MTMR3: variants seen among roughly 807,000 people sequenced by gnomAD.
The protein encoded by MTMR3 is myotubularin related protein 3, also known as phosphatidylinositol-3,5-bisphosphate 3-phosphatase MTMR3.
In MTMR3, 32 loss-of-function variants were observed where a neutral mutation model predicts 132.4. The observed-to-expected ratio is 0.24, with a 90% CI of 0.18 to 0.32. MTMR3 has a LOEUF of 0.32. MTMR3 is among the 10% of genes least tolerant of loss of function. The pLI, the probability that MTMR3 is intolerant of heterozygous loss-of-function variation, is 1.00. For synonymous variants in MTMR3, 556 were observed against 550.3 expected (o/e 1.01, Z -0.14); for missense variants, 1,216 against 1,489.6 (o/e 0.82, Z 3.02).
At chr22:29,988,420 G>C in intron 5 of MTMR3, 60 bp from the exon 6 acceptor site, 1 of 1,289,530 alleles carries the variant, frequency 7.8e-7, no homozygotes, top group Non-Finnish European at 1.1e-6. Flanking sequence ...TGGACACATT[G>C]AAGAACTCCA....
At chr22:29,960,470 G>A (rs2066288708) in intron 2 of MTMR3, among the ~76,000 whole-genome samples, 1 of 152,058 alleles carries the variant, frequency 6.6e-6, no homozygotes, top group Non-Finnish European at 1.5e-5. Context: ...GTGCATATGC[G>A]CGAACAAAAA....
intron 3 of MTMR3, among the ~76,000 whole-genome samples, chr22:29,976,331 G>A (rs2066629089): frequency 6.6e-6 from 1 of 151,784 alleles, no homozygotes; most frequent in Non-Finnish European, 1.5e-5. Flanking sequence ...AAAAAGACCT[G>A]CCAAATGTCC....
intron 5 of MTMR3, 46 bp downstream of exon 5, chr22:29,979,098 T>A: frequency 7.5e-7 from 1 of 1,331,106 alleles, no homozygotes; most frequent in Non-Finnish European, 1.1e-6. Flanking sequence ...ATGGAGAAAG[T>A]AAGTCAAAAA....
chr22:29,989,589 T>A (rs1393302558), intron 6 of MTMR3: 1 of 152,198 alleles, frequency 6.6e-6, no homozygotes, highest in East Asian at 1.9e-4. Context: ...CAGAATACAA[T>A]CTTTTGTTTT....
At chr22:29,932,958 T>C (rs1286521499) in intron 1 of MTMR3, among the ~76,000 whole-genome samples, 1 of 152,128 alleles carries the variant, frequency 6.6e-6, no homozygotes, top group Non-Finnish European at 1.5e-5. Flanking sequence ...TTTATTTCTT[T>C]TTATAAAATT....
intron 17 of MTMR3, chr22:30,021,150 A>C: frequency 2.0e-6 from 1 of 491,074 alleles, no homozygotes; most frequent in Non-Finnish European, 3.7e-6. Flanking sequence ...GGTTGATCAG[A>C]TCTCTCAGAC....
chr22:29,953,279 G>A (rs1221121267), intron 1 of MTMR3, among the ~76,000 whole-genome samples: 1 of 152,186 alleles, frequency 6.6e-6, no homozygotes, highest in Admixed American at 6.5e-5. Context: ...CATTTTAGGA[G>A]GCCTGGCCAG....
At chr22:29,966,338 T>C (rs934065253) in intron 2 of MTMR3, among the ~76,000 whole-genome samples, 1 of 152,208 alleles carries the variant, frequency 6.6e-6, no homozygotes, top group Non-Finnish European at 1.5e-5. Context: ...TGTCTCAGCT[T>C]ATACTTTGAA....
At chr22:29,928,665 T>G (rs75643554) in intron 1 of MTMR3, among the ~76,000 whole-genome samples, 1,618 of 152,124 alleles carry the variant, frequency 0.011, 34 homozygotes, top group African/African-American at 0.038. Flanking sequence ...GTGTGAAGTT[T>G]AAAAAAAATT....
chr22:29,960,995 A>G (rs2066300305), intron 2 of MTMR3, among the ~76,000 whole-genome samples: 1 of 152,236 alleles, frequency 6.6e-6, no homozygotes, highest in Admixed American at 6.5e-5. Context: ...GTTAACCATT[A>G]TATAGTTTTT....
intron 1 of MTMR3, among the ~76,000 whole-genome samples, chr22:29,954,514 T>C (rs1217963705): frequency 6.6e-6 from 1 of 152,156 alleles, no homozygotes; most frequent in Non-Finnish European, 1.5e-5. Context: ...CTGGGAAGAA[T>C]AGTCTTTGCC....
At chr22:29,960,201 C>T (rs530751471) in intron 2 of MTMR3, among the ~76,000 whole-genome samples, 9 of 152,208 alleles carry the variant, frequency 5.9e-5, no homozygotes, top group South Asian at 2.1e-4. Context: ...ATAAAAATAG[C>T]TTCAATATAT....
chr22:30,025,669 G>C lies in MTMR3; in HGVS notation c.3465G>C (p.Gln1155His). Residue 1155 changes from glutamine to histidine, a missense_variant, in exon 20 of 20, where the codon CAG becomes CAC. By Grantham distance (24) the Gln-to-His change is conservative (BLOSUM62 0). Around this residue, in one of 7 missense-constraint regions of MTMR3, gnomAD observed 852 missense variants for 852.0 expected, o/e 1.00. Transcript: ENST00000401950. The part of the protein sequence containing the change: ...GNVFCSSCCN[Q>H]KVPVPSQQLF... Reference sequence around the variant, plus strand: ...TATTCTGCTCCAGTTGTTGTAACCAGAAGGTTCCAGTTCCCAGCCAGCAGC... The same window carrying C: ...TATTCTGCTCCAGTTGTTGTAACCACAAGGTTCCAGTTCCCAGCCAGCAGC... 1.2e-6 allele frequency: 2 copies of C among 1,614,190 alleles called. No individual in the cohort carries two copies. The highest frequency in any genetic ancestry group is 2.2e-5 in the South Asian group (2 of 91,080).
At chr22:30,023,608 C>T (rs1247574928) in intron 19 of MTMR3, 15 of 1,207,612 alleles carry the variant, frequency 1.2e-5, no homozygotes, top group South Asian at 4.9e-5. Flanking sequence ...GGTGCACAGG[C>T]AGATAGGTGG....
chr22:29,921,876 T>C (rs1230394836), intron 1 of MTMR3, among the ~76,000 whole-genome samples: 2 of 148,416 alleles, frequency 1.3e-5, no homozygotes, highest in Non-Finnish European at 3.0e-5. Context: ...TGAGACAGAG[T>C]GTCACTCTAT....
intron 3 of MTMR3, among the ~76,000 whole-genome samples, chr22:29,977,122 C>G (rs2066644387): frequency 6.6e-6 from 1 of 151,712 alleles, no homozygotes; most frequent in Non-Finnish European, 1.5e-5. Flanking sequence ...GAGACCTTGT[C>G]TCTACTGAAA....
intron 7 of MTMR3, chr22:29,993,055 C>T (rs1386567208): frequency 6.6e-6 from 1 of 152,106 alleles, no homozygotes; most frequent in Non-Finnish European, 1.5e-5. Context: ...CAGACCTGAC[C>T]ATGGTGGATG....
At position 30,022,158 on chromosome 22, in the gene MTMR3, C is replaced by G; in HGVS notation, c.3336+19C>G. 1 of 1,576,928 alleles carries G rather than the reference C, an allele frequency of 6.3e-7. No homozygotes were observed. Among genetic ancestry groups the G allele is most frequent in the Non-Finnish European group, 8.7e-7 (1 of 1,146,206 alleles). ...CACAGAGGTACAGGCTCAGCCCCTG[C>G]TCTGAGTGCCATCAATTTAACTGTT... On this transcript the variant is annotated intron_variant, in intron 18 of 19. Transcript: ENST00000401950.
intron 2 of MTMR3, among the ~76,000 whole-genome samples, chr22:29,970,618 A>G (rs1013636026): frequency 1.4e-5 from 2 of 147,164 alleles, no homozygotes; most frequent in Admixed American, 7.1e-5. Context: ...GATTATAGGC[A>G]TTAAGCCACC....
Sources: gnomAD v4.1 joint callset for allele counts (sites outside exome capture counted in the v4.1 genomes callset) on GRCh38, gnomAD v4.1.1 for gene constraint, gnomAD v4.1.1 regional missense constraint, MANE v1.5 for transcripts, NCBI Gene and HGNC (gene_info 2026-07-23, HGNC 2026-07-21) for gene names.